The following CADPS2 variants were observed in gnomAD, a reference collection of about 807,000 sequenced individuals.
CADPS2 encodes calcium-dependent secretion activator 2.
Under a neutral mutation model 172.5 loss-of-function variants are expected in CADPS2, and 93 were observed. The ratio of observed to expected loss-of-function variants is 0.54; its 90% confidence interval spans 0.46 to 0.64. The LOEUF (loss-of-function observed/expected upper bound fraction) is 0.64. Ranked by LOEUF, CADPS2 falls within the 30% of genes least tolerant of loss-of-function variation. CADPS2 has a pLI of 0.00. For missense variants in CADPS2, 1,420 were observed against 1,565.9 expected (o/e 0.91, Z 1.57); for synonymous variants, 546 against 555.2 (o/e 0.98, Z 0.23).
Position 122,403,773 on chromosome 7 carries a change from G to A in CADPS2, c.2746+3767C>T, listed in dbSNP as rs2046260860. On this transcript the variant is annotated intron_variant, in intron 20 of 29. Coordinates refer to ENST00000449022, the MANE Select transcript of CADPS2 (RefSeq NM_017954.11). Reference sequence around the variant, plus strand: ...CATTGTAGATAAGTAATTCATTGTAGATAAGTAATTCCATTCATTGTAGAT... The same window carrying A: ...CATTGTAGATAAGTAATTCATTGTAAATAAGTAATTCCATTCATTGTAGAT... Among the ~76,000 whole-genome samples the A allele has an allele frequency of 2.6e-5, 4 of 152,178 alleles. No individual in the cohort carries two copies. In the South Asian group the frequency reaches 8.3e-4, roughly 32 times the overall value.
At chr7:122,329,112 A>G (rs2034465218) in intron 28 of CADPS2, among the ~76,000 whole-genome samples, 1 of 152,164 alleles carries the variant, frequency 6.6e-6, no homozygotes, top group African/African-American at 2.4e-5. Flanking sequence ...CTGACTATGG[A>G]AATTGCCACA....
chr7:122,874,786 A>T (rs1820774134), intron 1 of CADPS2, among the ~76,000 whole-genome samples: 1 of 152,190 alleles, frequency 6.6e-6, no homozygotes, highest in African/African-American at 2.4e-5. Flanking sequence ...TGGAGAAAGG[A>T]TTTCCTATTT....
chr7:122,679,151 C>A (rs1299814765), intron 2 of CADPS2, among the ~76,000 whole-genome samples: 1 of 151,328 alleles, frequency 6.6e-6, no homozygotes, highest in African/African-American at 2.4e-5. Flanking sequence ...GTGGGCCGGG[C>A]AGGACAGAGC....
chr7:122,629,390 G>A, intron 3 of CADPS2, 62 bp from the exon 4 acceptor site: 1 of 1,224,252 alleles, frequency 8.2e-7, no homozygotes, highest in South Asian at 1.5e-5. Flanking sequence ...GTGACCCACA[G>A]ACTGAGGCAG....
intron 1 of CADPS2, among the ~76,000 whole-genome samples, chr7:122,779,194 C>A (rs1351915516): frequency 6.6e-6 from 1 of 152,076 alleles, no homozygotes; most frequent in African/African-American, 2.4e-5. Context: ...TGGGTATTTC[C>A]TCTTAGCAGT....
intron 14 of CADPS2, among the ~76,000 whole-genome samples, chr7:122,467,410 G>A (rs1322069842): frequency 3.9e-5 from 6 of 152,192 alleles, no homozygotes; most frequent in Admixed American, 2.0e-4. Context: ...AATTTCTGAA[G>A]TGACAGTCAA....
intron 1 of CADPS2, among the ~76,000 whole-genome samples, chr7:122,804,208 C>A (rs1380450113): frequency 6.6e-6 from 1 of 152,162 alleles, no homozygotes; most frequent in African/African-American, 2.4e-5. Context: ...AAGGCATTAG[C>A]AGAACCAGTA....
chr7:122,701,720 A>C, intron 2 of CADPS2: 1 of 644,826 alleles, frequency 1.6e-6, no homozygotes, highest in Non-Finnish European at 2.6e-6. Flanking sequence ...CCTTGTTCAT[A>C]CTTGGGTAGA....
chr7:122,614,465 A>G (rs532421560), intron 6 of CADPS2, among the ~76,000 whole-genome samples: 3 of 152,264 alleles, frequency 2.0e-5, no homozygotes, highest in South Asian at 2.1e-4. Context: ...ATCCTATAAG[A>G]TATTTAGAAT....
chr7:122,855,758 A>C (rs1815019297), intron 1 of CADPS2, among the ~76,000 whole-genome samples: 1 of 152,160 alleles, frequency 6.6e-6, no homozygotes, highest in Non-Finnish European at 1.5e-5. Context: ...CTTCTTTTAA[A>C]TTCTAGGCAC....
At chr7:122,531,333 T>A (rs1563613817) in intron 8 of CADPS2, among the ~76,000 whole-genome samples, 1 of 151,922 alleles carries the variant, frequency 6.6e-6, no homozygotes, top group Non-Finnish European at 1.5e-5. Context: ...GATGTGAGAA[T>A]CCCCCCAGGA....
rs140061581 is a variant in CADPS2, at chr7:122,342,816, T to C, written c.3612+2758A>G. On this transcript the variant is annotated intron_variant, in intron 28 of 29. Transcript: ENST00000449022. ...TTACTTATATAGGAAATACTCTAAT[T>C]GGAATAGCAAAAGTTCGTCATGATG... is the stretch of plus-strand genomic sequence containing the variant. Among the ~76,000 whole-genome samples the C allele has an allele frequency of 1.5e-3, 222 of 152,302 alleles. 1 individual carries two copies. Among genetic ancestry groups the C allele is most frequent in the African/African-American group, 5.0e-3 (208 of 41,582 alleles).
intron 2 of CADPS2, among the ~76,000 whole-genome samples, chr7:122,688,011 G>C (rs2083853679): frequency 6.6e-6 from 1 of 152,110 alleles, no homozygotes; most frequent in African/African-American, 2.4e-5. Context: ...TTCAAAATCT[G>C]TACTCTTCTA....
intron 8 of CADPS2, among the ~76,000 whole-genome samples, chr7:122,553,550 C>G (rs771063089): frequency 2.6e-5 from 4 of 152,118 alleles, no homozygotes; most frequent in Non-Finnish European, 4.4e-5. Context: ...AAAAGCAATA[C>G]AGTCCTTAGC....
chr7:122,654,960 C>A (rs1478055373), intron 3 of CADPS2, among the ~76,000 whole-genome samples: 1 of 152,058 alleles, frequency 6.6e-6, no homozygotes, highest in African/African-American at 2.4e-5. Flanking sequence ...TCCTCACAGA[C>A]GACTTTGAGG....
In CADPS2 at chr7:122,705,905, A is replaced by ATATATTATATT. The variant is rs1564124479; in HGVS notation, c.453+31049_453+31050insAATATAATATA. 2.8e-3 allele frequency among the ~76,000 whole-genome samples: 10 copies of ATATATTATATT among 3,612 alleles called. 4 individuals are homozygous for ATATATTATATT. Among genetic ancestry groups the ATATATTATATT allele is most frequent in the Admixed American group, 0.018 (2 of 112 alleles). 2.4% of individuals were successfully genotyped at this position (3,612 alleles called of 152,430 possible). A position where few individuals can be genotyped will look rare whatever the true frequency, so the allele number is the denominator to read the frequency against. On this transcript the variant is annotated intron_variant, in intron 2 of 29. Transcript: ENST00000449022. ...ATATAATAAATATAATATAATATAT[A>ATATATTATATT]ATATATTATATAATATAATATATAA...
At chr7:122,618,272 T>C (rs2075192158) in intron 5 of CADPS2, among the ~76,000 whole-genome samples, 1 of 152,100 alleles carries the variant, frequency 6.6e-6, no homozygotes, top group South Asian at 2.1e-4. Flanking sequence ...ACCATAAAAA[T>C]CCTTAATCCA....
chr7:122,352,702 G>A (rs965912338), intron 27 of CADPS2, among the ~76,000 whole-genome samples: 2 of 152,156 alleles, frequency 1.3e-5, no homozygotes, highest in Non-Finnish European at 2.9e-5. Flanking sequence ...GTAAAGCTCC[G>A]AGTATTCAGG....
chr7:122,815,680 A>G (rs1206553143), intron 1 of CADPS2, among the ~76,000 whole-genome samples: 2 of 152,178 alleles, frequency 1.3e-5, no homozygotes, highest in African/African-American at 4.8e-5. Flanking sequence ...ATAGAGCATA[A>G]ATCCATATAA....
Sources: gnomAD v4.1 joint callset for allele counts (sites outside exome capture counted in the v4.1 genomes callset) on GRCh38, gnomAD v4.1.1 for gene constraint, MANE v1.5 for transcripts, NCBI Gene and HGNC (gene_info 2026-07-23, HGNC 2026-07-21) for gene names.